The following TCERG1L variants were observed in gnomAD, a reference collection of about 807,000 sequenced individuals.
TCERG1L encodes the protein transcription elongation regulator 1 like.
Under a neutral mutation model 56.3 loss-of-function variants are expected in TCERG1L, and 37 were observed. That is an observed-to-expected ratio of 0.66 (90% CI 0.51 to 0.87). The LOEUF is 0.87. Among genes scored for constraint, TCERG1L ranks in the 40% least tolerant of loss-of-function variants. The pLI is 0.00. For missense variants in TCERG1L, 799 were observed against 774.2 expected, an observed-to-expected ratio of 1.03 and a Z score of -0.38; for synonymous variants, 324 against 326.3, an observed-to-expected ratio of 0.99 and a Z score of 0.08.
chr10:131,199,010 A>G (rs1845397508), intron 4 of TCERG1L, among the ~76,000 whole-genome samples: 1 of 152,132 alleles, frequency 6.6e-6, no homozygotes, highest in Admixed American at 6.5e-5. Context: ...GGGGAATGGA[A>G]ACTTGAGGCA....
intron 6 of TCERG1L, among the ~76,000 whole-genome samples, chr10:131,148,623 C>T (rs962187821): frequency 1.3e-5 from 2 of 151,982 alleles, no homozygotes; most frequent in African/African-American, 4.8e-5. Flanking sequence ...CACAGAGACA[C>T]ACATGCACAC....
At chr10:131,230,436 G>A (rs1334851610) in intron 4 of TCERG1L, among the ~76,000 whole-genome samples, 2 of 152,196 alleles carry the variant, frequency 1.3e-5, no homozygotes, top group Non-Finnish European at 2.9e-5. Flanking sequence ...AGAGGGCACC[G>A]GCTGAAGCAG....
At position 131,142,353 on chromosome 10, in the gene TCERG1L, C is replaced by T. The variant is rs1017712892; in HGVS notation, c.1189+4153G>A. Among the ~76,000 whole-genome samples, 3 of 152,188 alleles carry T rather than the reference C, an allele frequency of 2.0e-5. No individual in the cohort carries two copies. In the South Asian group the frequency reaches 6.2e-4, roughly 32 times the overall value. On this transcript the variant is annotated intron_variant, in intron 7 of 11. Coordinates refer to ENST00000368642, the MANE Select transcript of TCERG1L (RefSeq NM_174937.4). ...CCCCAAGTGCCCCGGCTGCCTGGGC[C>T]CCTGGTGAGATAGATCCAGTGTGCG...
chr10:131,148,846 T>A (rs1287129752), intron 6 of TCERG1L, among the ~76,000 whole-genome samples: 1 of 152,048 alleles, frequency 6.6e-6, no homozygotes, highest in East Asian at 1.9e-4. Context: ...AGAGAATCAA[T>A]GTGTGTCGCT....
At chr10:131,293,512 AC>A (rs1487276912) in intron 3 of TCERG1L, among the ~76,000 whole-genome samples, 1 of 151,522 alleles carries the variant, frequency 6.6e-6, no homozygotes, top group African/African-American at 2.4e-5. Flanking sequence ...CCCTGAGATA[AC>A]CCCCCTCCGG....
chr10:131,171,196 A>G (rs12782930), intron 4 of TCERG1L, among the ~76,000 whole-genome samples: 2 of 99,298 alleles, frequency 2.0e-5, no homozygotes, highest in African/African-American at 6.7e-5. Flanking sequence ...AAGAAGAAAG[A>G]AAAAAAGAAA....
intron 3 of TCERG1L, among the ~76,000 whole-genome samples, chr10:131,297,059 GTA>G (rs750762309): frequency 6.6e-5 from 10 of 152,160 alleles, no homozygotes; most frequent in Non-Finnish European, 1.3e-4. Flanking sequence ...TTCCCAGTTT[GTA>G]TGTTTTTCTT....
intron 3 of TCERG1L, among the ~76,000 whole-genome samples, chr10:131,265,902 C>G (rs1715418444): frequency 1.3e-5 from 2 of 152,210 alleles, no homozygotes; most frequent in Non-Finnish European, 2.9e-5. Context: ...AACAGCAACG[C>G]TTGCTACATT....
At chr10:131,224,508 C>T (rs1194090110) in intron 4 of TCERG1L, among the ~76,000 whole-genome samples, 1 of 152,206 alleles carries the variant, frequency 6.6e-6, no homozygotes, top group Non-Finnish European at 1.5e-5. Flanking sequence ...CACCAGGGAT[C>T]CTTGGTGGGT....
chr10:131,265,908 A>G (rs550086388), intron 3 of TCERG1L, among the ~76,000 whole-genome samples: 1 of 152,364 alleles, frequency 6.6e-6, no homozygotes, highest in East Asian at 1.9e-4. Flanking sequence ...AACGCTTGCT[A>G]CATTGATGGA....
chr10:131,223,064 C>T (rs957093936), intron 4 of TCERG1L, among the ~76,000 whole-genome samples: 9 of 152,174 alleles, frequency 5.9e-5, no homozygotes, highest in African/African-American at 1.9e-4. Context: ...TTCTTAGTGC[C>T]CCTGATCAAC....
intron 4 of TCERG1L, among the ~76,000 whole-genome samples, chr10:131,247,012 G>A (rs978779298): frequency 2.6e-5 from 4 of 151,642 alleles, no homozygotes; most frequent in African/African-American, 7.3e-5. Context: ...CCACGACACC[G>A]GCGCTGCGGC....
intron 3 of TCERG1L, among the ~76,000 whole-genome samples, chr10:131,288,725 G>A (rs1288648095): frequency 2.6e-5 from 4 of 152,170 alleles, no homozygotes; most frequent in Non-Finnish European, 5.9e-5. Flanking sequence ...AAAAAGAGAG[G>A]CCACGCAGAG....
At chr10:131,214,444 C>T (rs1182323794) in intron 4 of TCERG1L, among the ~76,000 whole-genome samples, 2 of 152,210 alleles carry the variant, frequency 1.3e-5, no homozygotes, top group Non-Finnish European at 2.9e-5. Context: ...CTACCCCACC[C>T]CAGAGTTTGG....
chr10:131,279,347 G>A (rs2133560871), intron 3 of TCERG1L, among the ~76,000 whole-genome samples: 1 of 152,330 alleles, frequency 6.6e-6, no homozygotes, highest in South Asian at 2.1e-4. Flanking sequence ...AAGACGCTCA[G>A]TGCCATGCGT....
At chr10:131,168,227 C>A (rs1042042639) in intron 4 of TCERG1L, among the ~76,000 whole-genome samples, 1 of 152,196 alleles carries the variant, frequency 6.6e-6, no homozygotes, top group South Asian at 2.1e-4. Context: ...TCAAGCTACA[C>A]GTCTGTGCTT....
chr10:131,182,750 CCTAA>C (rs35623970), intron 4 of TCERG1L, among the ~76,000 whole-genome samples: 22,975 of 152,136 alleles, frequency 0.15, 1,955 homozygotes, highest in African/African-American at 0.23. Context: ...GCAGTGCTCA[CCTAA>C]CTGATTTATT....
intron 6 of TCERG1L, among the ~76,000 whole-genome samples, chr10:131,147,843 C>T (rs148103647): frequency 7.0e-4 from 106 of 152,386 alleles, no homozygotes; most frequent in Non-Finnish European, 1.3e-3. Flanking sequence ...GCCAGCCTCG[C>T]ACAGGTTCGG....
intron 10 of TCERG1L, 146 bp from the exon 11 acceptor site, chr10:131,098,570 C>G (rs1845273110): frequency 1.2e-5 from 13 of 1,047,068 alleles, no homozygotes; most frequent in Non-Finnish European, 1.7e-5. Flanking sequence ...GAGCAACAGC[C>G]TTTCAGCATA....
Sources: gnomAD v4.1 joint callset for allele counts (sites outside exome capture counted in the v4.1 genomes callset) on GRCh38, gnomAD v4.1.1 for gene constraint, MANE v1.5 for transcripts, NCBI Gene and HGNC (gene_info 2026-07-23, HGNC 2026-07-21) for gene names.